Variants in ADAMTS7 observed in about 807,000 individuals in gnomAD.
ADAMTS7 encodes the protein A disintegrin and metalloproteinase with thrombospondin motifs 7.
Under a neutral mutation model 172.6 loss-of-function variants are expected in ADAMTS7, and 89 were observed. The ratio of observed to expected loss-of-function variants is 0.52; its 90% CI spans 0.43 to 0.61. ADAMTS7 has a LOEUF of 0.61. Ranked by LOEUF, ADAMTS7 falls within the 20% of genes least tolerant of loss-of-function variation. The pLI is 0.00. For missense variants in ADAMTS7, 1,973 were observed against 2,355.6 expected (o/e 0.84, Z 3.36); for synonymous variants, 885 against 978.4 (o/e 0.90, Z 1.78).
intron 16 of ADAMTS7, among the ~76,000 whole-genome samples, chr15:78,770,437 G>C (rs1411644345): frequency 7.1e-6 from 1 of 140,668 alleles, no homozygotes; most frequent in African/African-American, 2.7e-5. Flanking sequence ...CTGAGGTGTG[G>C]GGAGATCAAG....
intron 23 of ADAMTS7, among the ~76,000 whole-genome samples, chr15:78,761,745 C>T (rs908749204): frequency 1.2e-4 from 18 of 150,950 alleles, no homozygotes; most frequent in East Asian, 7.8e-4. Context: ...TGTGTGTTGG[C>T]GTGTGTGTGT....
intron 1 of ADAMTS7, among the ~76,000 whole-genome samples, chr15:78,803,113 G>C (rs772851538): frequency 6.6e-6 from 1 of 151,856 alleles, no homozygotes; most frequent in Non-Finnish European, 1.5e-5. Flanking sequence ...TGTAATCCCA[G>C]AACTTTGGGA....
intron 1 of ADAMTS7, among the ~76,000 whole-genome samples, chr15:78,810,258 C>T (rs1030739167): frequency 7.9e-5 from 12 of 152,264 alleles, no homozygotes; most frequent in African/African-American, 2.9e-4. Flanking sequence ...CCTACAAAGC[C>T]TGCCGGTCGG....
rs564181061 is a variant in ADAMTS7, at chr15:78,774,254, G to A, written c.1923C>T (p.Ala641=). The stretch of plus-strand genomic sequence containing the variant: ...CGACCACGGCGTCCCGCAGCTTCTC[G>A]GCAAAGTACTCATTCGCGGGCCGGC... ...LHCRPANEYF[A]EKLRDAVVDG... The change falls in exon 13 of 24, where the codon GCC becomes GCT. Residue 641 remains alanine (A), a synonymous_variant. Coordinates refer to ENST00000388820, the MANE Select transcript of ADAMTS7 (RefSeq NM_014272.5). 9.1e-5 allele frequency: 144 copies of A among 1,582,156 alleles called. No individual in the cohort carries two copies. The Middle Eastern group carries it at 1.1e-3, about 13-fold the overall frequency.
At chr15:78,761,229 C>A (rs1403214420) in intron 23 of ADAMTS7, among the ~76,000 whole-genome samples, 1 of 152,236 alleles carries the variant, frequency 6.6e-6, no homozygotes, top group Non-Finnish European at 1.5e-5. Flanking sequence ...TGCCCAGGAG[C>A]TGGCACAGGT....
At chr15:78,792,300 ACT>A (rs2141512356) in intron 4 of ADAMTS7, among the ~76,000 whole-genome samples, 1 of 152,104 alleles carries the variant, frequency 6.6e-6, no homozygotes, top group East Asian at 1.9e-4. Context: ...GTTTTGCCCG[ACT>A]CTGTCTCTTC....
intron 10 of ADAMTS7, 128 bp from the exon 11 acceptor site, chr15:78,776,461 C>T: frequency 7.4e-7 from 1 of 1,353,352 alleles, no homozygotes; most frequent in Non-Finnish European, 1.0e-6. Context: ...GTGAGAGAGG[C>T]ACCCTCACAA....
rs754195325 is a variant in ADAMTS7, at chr15:78,767,067, G to A, written c.2860-16C>T. On this transcript the variant is annotated splice_polypyrimidine_tract_variant and intron_variant, in intron 18 of 23. Coordinates refer to ENST00000388820, the MANE Select transcript of ADAMTS7 (RefSeq NM_014272.5). ...TCACTGAGCACTGCAGGGGAAGCCA[G>A]GGTGAGGGGCTTACCCTGGGAGGCA... 1.3e-4 allele frequency: 206 copies of A among 1,526,404 alleles called. No individual in the cohort carries two copies. Among genetic ancestry groups the A allele is most frequent in the Non-Finnish European group, 1.7e-4 (195 of 1,138,684 alleles). The allele number at this position is 1,526,404 out of a possible 1,614,324, so 94.6% of individuals were successfully genotyped here.
In ADAMTS7 at chr15:78,811,316, C is replaced by G. The variant is rs2055864168; in HGVS notation, c.-96G>C. Reference sequence around the variant, plus strand: ...GTCCCAGGTCCGGCTCAGGACATGCCCGGCCGGCGTGCAGCTCCCGGCGAC... The same window carrying G: ...GTCCCAGGTCCGGCTCAGGACATGCGCGGCCGGCGTGCAGCTCCCGGCGAC... On this transcript the variant is annotated 5_prime_UTR_variant, in exon 1 of 24. Transcript: ENST00000388820. 2 of 1,207,980 alleles carry G rather than the reference C, an allele frequency of 1.7e-6. No homozygotes were observed. The highest frequency in any genetic ancestry group is 4.3e-5 in the South Asian group (1 of 23,266). The allele number at this position is 1,207,980 out of a possible 1,614,324, so 74.8% of individuals were successfully genotyped here.
chr15:78,768,104 G>C, intron 17 of ADAMTS7, 29 bp downstream of exon 17: 1 of 1,489,288 alleles, frequency 6.7e-7, no homozygotes, highest in Non-Finnish European at 9.0e-7. Flanking sequence ...ATGGGGTGGG[G>C]AGTTGGCGGG....
At chr15:78,794,699 G>A (rs982685513) in intron 4 of ADAMTS7, among the ~76,000 whole-genome samples, 26 of 152,164 alleles carry the variant, frequency 1.7e-4, no homozygotes, top group African/African-American at 5.8e-4. Context: ...CTGTTGGGTT[G>A]GGCAGGTCTT....
At chr15:78,762,812 C>T (rs2055069533) in intron 22 of ADAMTS7, among the ~76,000 whole-genome samples, 1 of 152,210 alleles carries the variant, frequency 6.6e-6, no homozygotes, top group African/African-American at 2.4e-5. Context: ...GTGGGACAGC[C>T]CTCGGGGCGG....
At position 78,760,402 on chromosome 15, in the gene ADAMTS7, G is replaced by A. The variant is rs576538720; in HGVS notation, c.4904-824C>T. ...CTCCAGCAGACCTCCCTGGGGAGGA[G>A]GAGCAGGAAGGCAGCAGCCAGCCCT... On this transcript the variant is annotated intron_variant, in intron 23 of 23. Transcript: ENST00000388820. Among the ~76,000 whole-genome samples, 9 of 152,288 alleles carry A rather than the reference G, an allele frequency of 5.9e-5. No homozygotes were observed. In the South Asian group the frequency reaches 8.3e-4, roughly 14 times the overall value.
rs777874108 is a variant in ADAMTS7 at position 78,800,480 on chromosome 15, G to A, written c.168C>T (p.Ser56=). ...VHPVRVDAGG[S]FLSYELWPRA... ...GGGGCCACAGCTCGTAGGACAGGAA[G>A]GAGCCCCCCGCGTCGACTCGAACCG... is the stretch of plus-strand genomic sequence containing the variant. Residue 56 remains serine, a synonymous_variant, in exon 2 of 24, where the codon TCC becomes TCT. Coordinates refer to ENST00000388820, the MANE Select transcript of ADAMTS7 (RefSeq NM_014272.5). 19 of 1,610,426 alleles carry A rather than the reference G, an allele frequency of 1.2e-5. No individual in the cohort carries two copies. Among genetic ancestry groups the A allele is most frequent in the East Asian group, 4.5e-5 (2 of 44,772 alleles).
intron 1 of ADAMTS7, among the ~76,000 whole-genome samples, chr15:78,805,878 C>T (rs769381451): frequency 2.6e-5 from 4 of 151,824 alleles, no homozygotes; most frequent in South Asian, 2.1e-4. Flanking sequence ...TTCAGGAGTT[C>T]GAGACCAGCC....
intron 1 of ADAMTS7, among the ~76,000 whole-genome samples, chr15:78,808,132 A>G (rs572721487): frequency 2.6e-4 from 39 of 152,330 alleles, no homozygotes; most frequent in Admixed American, 1.4e-3. Context: ...CTGGAATTAC[A>G]GGTGTGAATC....
chr15:78,811,164 C>A lies in ADAMTS7; in HGVS notation c.57G>T (p.Leu19=). 2 of 1,230,116 alleles carry A rather than the reference C, an allele frequency of 1.6e-6. No individual in the cohort carries two copies. The highest frequency in any genetic ancestry group is 2.0e-6 in the Non-Finnish European group (2 of 986,778). 76.2% of individuals were successfully genotyped at this position (1,230,116 alleles called of 1,614,324 possible). ...SPAPLLRPLL[L]LLCALAPGAP... is the part of the protein sequence containing the mutation. The stretch of plus-strand genomic sequence containing the variant: ...CGCCGGGAGCCAGAGCGCAGAGGAG[C>A]AGGAGGAGGGGGCGCAGCAAAGGCG... The change falls in exon 1 of 24, where the codon CTG becomes CTT. Residue 19 remains leucine, a synonymous_variant. Transcript: ENST00000388820.
rs543514272 is a variant in ADAMTS7 at position 78,799,258 on chromosome 15, T to C, written c.456+934A>G. Among the ~76,000 whole-genome samples, 1,111 of 140,842 alleles carry C rather than the reference T, an allele frequency of 7.9e-3. 11 individuals carry two copies. Among genetic ancestry groups the C allele is most frequent in the Non-Finnish European group, 1.0e-2 (626 of 62,778 alleles). The allele number at this position is 140,842 out of a possible 152,430, so 92.4% of individuals were successfully genotyped here. ...TAAGCTGAGGGCCTCCTGGGAACAG[T>C]GGACGCTGAGAGTGTGCACACATCC... On this transcript the variant is annotated intron_variant, in intron 2 of 23. Transcript: ENST00000388820.
chr15:78,798,989 G>A (rs1446683759), intron 2 of ADAMTS7, among the ~76,000 whole-genome samples: 1 of 151,836 alleles, frequency 6.6e-6, no homozygotes, highest in Non-Finnish European at 1.5e-5. Flanking sequence ...GTGACCCTGG[G>A]CAAGTTCCCC....
Sources: gnomAD v4.1 joint callset for allele counts (sites outside exome capture counted in the v4.1 genomes callset) on GRCh38, gnomAD v4.1.1 for gene constraint, MANE v1.5 for transcripts, NCBI Gene and HGNC (gene_info 2026-07-23, HGNC 2026-07-21) for gene names.